WDR93: variants seen among roughly 807,000 people sequenced by gnomAD.
The protein encoded by WDR93 is WD repeat-containing protein 93.
Under a neutral mutation model 82.9 loss-of-function variants are expected in WDR93, and 73 were observed. The ratio of observed to expected loss-of-function variants is 0.88; its 90% CI spans 0.73 to 1.07. WDR93 has a LOEUF of 1.07. WDR93 is among the 50% of genes least tolerant of loss of function. The probability of loss-of-function intolerance (pLI) is 0.00; values close to 1 mark genes in which losing one functional copy is unlikely to be tolerated. For missense variants in WDR93, 738 were observed against 826.0 expected (o/e 0.89, Z 1.31); for synonymous variants, 283 against 300.1 (o/e 0.94, Z 0.59).
intron 9 of WDR93, 41 bp downstream of exon 9, chr15:89,727,369 G>A (rs769137269): frequency 7.5e-6 from 12 of 1,601,566 alleles, no homozygotes; most frequent in Non-Finnish European, 9.4e-6. Flanking sequence ...AGCATCCCCA[G>A]GCTTCTGCTG....
At chr15:89,711,760 A>G (rs1263174487) in intron 4 of WDR93, among the ~76,000 whole-genome samples, 1 of 152,236 alleles carries the variant, frequency 6.6e-6, no homozygotes, top group Non-Finnish European at 1.5e-5. Flanking sequence ...AGGAGATCCA[A>G]TAGTATGCCA....
At chr15:89,696,359 CAGTT>C (rs1965175668) in intron 1 of WDR93, among the ~76,000 whole-genome samples, 2 of 152,174 alleles carry the variant, frequency 1.3e-5, no homozygotes, top group Admixed American at 6.5e-5. Context: ...GGATATACCA[CAGTT>C]TGTTTATCCA....
chr15:89,707,506 A>G (rs1431059487), intron 4 of WDR93, among the ~76,000 whole-genome samples: 1 of 152,138 alleles, frequency 6.6e-6, no homozygotes, highest in Non-Finnish European at 1.5e-5. Flanking sequence ...CTGAGATTAC[A>G]CCACTACACT....
At chr15:89,729,302 C>G (rs1011472872) in intron 10 of WDR93, among the ~76,000 whole-genome samples, 1 of 152,092 alleles carries the variant, frequency 6.6e-6, no homozygotes, top group African/African-American at 2.4e-5. Context: ...GCTGGCACTG[C>G]CTTCAGGGAG....
chr15:89,728,770 C>A (rs923016618), intron 9 of WDR93, among the ~76,000 whole-genome samples: 1 of 152,186 alleles, frequency 6.6e-6, no homozygotes, highest in Non-Finnish European at 1.5e-5. Flanking sequence ...AGACAGCTGT[C>A]TCTGGCAAGA....
At chr15:89,733,294 A>C (rs1596118598) in intron 13 of WDR93, 75 bp downstream of exon 13, 4 of 1,411,686 alleles carry the variant, frequency 2.8e-6, no homozygotes. Flanking sequence ...GTAAAATCTG[A>C]CAGCCTCTCT....
intron 4 of WDR93, among the ~76,000 whole-genome samples, chr15:89,710,456 G>A (rs1044781373): frequency 9.9e-5 from 15 of 152,282 alleles, no homozygotes; most frequent in South Asian, 2.1e-4. Context: ...ACAGGCATAC[G>A]GTAACTTTCT....
intron 14 of WDR93, among the ~76,000 whole-genome samples, chr15:89,736,089 T>G (rs1477540200): frequency 6.6e-6 from 1 of 152,160 alleles, no homozygotes; most frequent in African/African-American, 2.4e-5. Context: ...TACAGATGTG[T>G]CCCTGTGTGG....
intron 16 of WDR93, among the ~76,000 whole-genome samples, chr15:89,739,579 A>C (rs758804828): frequency 2.6e-5 from 4 of 152,108 alleles, no homozygotes; most frequent in Non-Finnish European, 5.9e-5. Flanking sequence ...ATCTCACAAT[A>C]AATTTCTGGG....
chr15:89,715,012 T>C lies in WDR93; in HGVS notation c.673T>C (p.Leu225=), dbSNP rs749546993. 8.1e-6 allele frequency: 13 copies of C among 1,614,008 alleles called. No homozygotes were observed. Among genetic ancestry groups the C allele is most frequent in the Admixed American group, 1.7e-5 (1 of 59,998 alleles). ...AGDIWLDVYK[L]PKETWLKKLE... is the part of the protein sequence containing the mutation. ...AGATATTTGGCTGGATGTGTATAAA[T>C]TGCCCAAGGAGACTTGGCTCAAGAA... Residue 225 remains leucine (L), a synonymous_variant, in exon 6 of 17, where the codon TTG becomes CTG. Coordinates refer to ENST00000268130, the MANE Select transcript of WDR93 (RefSeq NM_020212.2).
chr15:89,707,077 T>C (rs1413863639), intron 4 of WDR93, among the ~76,000 whole-genome samples: 4 of 151,650 alleles, frequency 2.6e-5, no homozygotes, highest in African/African-American at 9.7e-5. Flanking sequence ...TAAAGAACTC[T>C]CAAAACAAGA....
At chr15:89,733,665 A>G (rs1966929162) in intron 13 of WDR93, among the ~76,000 whole-genome samples, 1 of 152,134 alleles carries the variant, frequency 6.6e-6, no homozygotes, top group Admixed American at 6.6e-5. Context: ...AGCACACTCA[A>G]TTCCCTCACC....
intron 7 of WDR93, among the ~76,000 whole-genome samples, chr15:89,718,715 A>G (rs1966375257): frequency 6.6e-6 from 1 of 152,248 alleles, no homozygotes; most frequent in African/African-American, 2.4e-5. Flanking sequence ...CAAGGAATTC[A>G]GATAAACAGC....
intron 2 of WDR93, 131 bp from the exon 3 acceptor site, chr15:89,702,819 G>A (rs1189613874): frequency 1.1e-5 from 12 of 1,045,986 alleles, no homozygotes; most frequent in South Asian, 3.3e-5. Context: ...GATTACAGGC[G>A]TTAGCCACTG....
At chr15:89,736,478 A>G (rs770105389) in intron 14 of WDR93, among the ~76,000 whole-genome samples, 7 of 152,028 alleles carry the variant, frequency 4.6e-5, no homozygotes, top group Non-Finnish European at 8.8e-5. Context: ...TGTTAAAGAG[A>G]GGGAGTGAAT....
In WDR93 at chr15:89,724,247, C is replaced by T. The variant is rs148395738; in HGVS notation, c.880+2108C>T. Among the ~76,000 whole-genome samples, 737 of 152,008 alleles carry T rather than the reference C, an allele frequency of 4.8e-3. 5 individuals are homozygous for T. Among genetic ancestry groups the T allele is most frequent in the African/African-American group, 0.017 (711 of 41,416 alleles). On this transcript the variant is annotated intron_variant, in intron 8 of 16. Transcript: ENST00000268130. ...GTCCCAGCTACTTGGGAGGTTAAAG[C>T]GGGAGAATTGCTTGAACCTGGGAGG...
rs1247975652 is a variant in WDR93 at position 89,702,001 on chromosome 15, GA to G, written c.256del (p.Ser86AlafsTer68). On this transcript the variant is annotated frameshift_variant, in exon 2 of 17. Transcript: ENST00000268130. LOFTEE classifies it high-confidence loss of function. ...EERNALREAE[S>X]SQIQPTVYPP... ...AGAGAAACGCACTGAGGGAAGCTGA[GA>G]GCAGCCAGATCCAGCCCACCGTCTA... The G allele has an allele frequency of 6.2e-7, 1 of 1,612,788 alleles. No individual in the cohort carries two copies. Among genetic ancestry groups the G allele is most frequent in the African/African-American group, 1.3e-5 (1 of 74,886 alleles).
At chr15:89,731,039 C>T (rs1445263041) in intron 11 of WDR93, among the ~76,000 whole-genome samples, 1 of 152,170 alleles carries the variant, frequency 6.6e-6, no homozygotes, top group Non-Finnish European at 1.5e-5. Flanking sequence ...CTTTCCCAGG[C>T]AACCTGGCTT....
At chr15:89,701,426 A>C (rs941166303) in intron 1 of WDR93, among the ~76,000 whole-genome samples, 4 of 152,344 alleles carry the variant, frequency 2.6e-5, no homozygotes, top group Admixed American at 1.3e-4. Context: ...TATTTGGGAC[A>C]GAAAGACATC....
Sources: gnomAD v4.1 joint callset for allele counts (sites outside exome capture counted in the v4.1 genomes callset) on GRCh38, gnomAD v4.1.1 for gene constraint, MANE v1.5 for transcripts, NCBI Gene and HGNC (gene_info 2026-07-23, HGNC 2026-07-21) for gene names.